PDE6A: variants seen among roughly 807,000 people sequenced by gnomAD.
The protein encoded by PDE6A is rod cGMP-specific 3',5'-cyclic phosphodiesterase subunit alpha.
In PDE6A, 84 loss-of-function variants were observed where a neutral mutation model predicts 106.3. That is an observed-to-expected ratio of 0.79 (90% CI 0.66 to 0.95). The LOEUF (loss-of-function observed/expected upper bound fraction) is 0.95, where lower values mean the gene tolerates loss of function less well. Among genes scored for constraint, PDE6A ranks in the 40% least tolerant of loss-of-function variants. The pLI is 0.00. For synonymous variants in PDE6A, 394 were observed against 386.6 expected (o/e 1.02, Z -0.23); for missense variants, 1,052 against 1,084.9 (o/e 0.97, Z 0.43).
chr5:149,912,062 T>C (rs912864645), intron 6 of PDE6A, among the ~76,000 whole-genome samples: 1 of 152,098 alleles, frequency 6.6e-6, no homozygotes. Flanking sequence ...CACCTTGATA[T>C]GTACATTTTG....
chr5:149,907,842 G>GA (rs568210468), intron 6 of PDE6A, among the ~76,000 whole-genome samples: 9 of 151,918 alleles, frequency 5.9e-5, no homozygotes, highest in African/African-American at 2.2e-4. Flanking sequence ...TTTGTTGTGA[G>GA]AAAAAAACAC....
chr5:149,894,549 C>T (rs1234592218), intron 13 of PDE6A, among the ~76,000 whole-genome samples: 1 of 151,700 alleles, frequency 6.6e-6, no homozygotes, highest in East Asian at 1.9e-4. Flanking sequence ...TTATAACAGG[C>T]CATTTAAAAA....
chr5:149,919,350 T>C (rs1263265564), intron 5 of PDE6A, among the ~76,000 whole-genome samples: 1 of 151,910 alleles, frequency 6.6e-6, no homozygotes, highest in Non-Finnish European at 1.5e-5. Context: ...CTACTAAAAA[T>C]ATAAAAATTA....
chr5:149,943,691 C>T (rs1318443893), intron 1 of PDE6A, among the ~76,000 whole-genome samples: 2 of 152,058 alleles, frequency 1.3e-5, no homozygotes, highest in Non-Finnish European at 2.9e-5. Flanking sequence ...AAGAAATGTC[C>T]TTGTTCTGGA....
intron 7 of PDE6A, 68 bp from the exon 8 acceptor site, chr5:149,903,763 A>G (rs1345974105): frequency 8.7e-7 from 1 of 1,145,744 alleles, no homozygotes; most frequent in Non-Finnish European, 1.3e-6. Context: ...GAAGCACTGT[A>G]TACCATTTTC....
intron 17 of PDE6A, among the ~76,000 whole-genome samples, chr5:149,873,469 T>C (rs1217009544): frequency 6.6e-6 from 1 of 151,990 alleles, no homozygotes; most frequent in East Asian, 1.9e-4. Context: ...GTAGCTGAGA[T>C]TACAGGTGTG....
intron 7 of PDE6A, among the ~76,000 whole-genome samples, chr5:149,906,259 T>A (rs1581189558): frequency 6.6e-6 from 1 of 151,536 alleles, no homozygotes; most frequent in African/African-American, 2.4e-5. Flanking sequence ...AGCATGGTGG[T>A]TCACGCCTAT....
chr5:149,903,159 A>AC (rs958188264), intron 8 of PDE6A, among the ~76,000 whole-genome samples: 1 of 149,116 alleles, frequency 6.7e-6, no homozygotes, highest in African/African-American at 2.5e-5. Flanking sequence ...AAAAAAAAAA[A>AC]AAAAAAAAAC....
intron 20 of PDE6A, among the ~76,000 whole-genome samples, chr5:149,865,386 G>C (rs1345511792): frequency 1.1e-4 from 16 of 150,584 alleles, no homozygotes; most frequent in Admixed American, 1.0e-3. Context: ...CTCCAGCCTG[G>C]GTGACAGAAT....
At chr5:149,919,122 C>T (rs1330590412) in intron 5 of PDE6A, among the ~76,000 whole-genome samples, 1 of 152,152 alleles carries the variant, frequency 6.6e-6, no homozygotes, top group African/African-American at 2.4e-5. Flanking sequence ...GCCTGTGCTG[C>T]TCACTGTACT....
In PDE6A at chr5:149,860,885, C is replaced by T; in HGVS notation, c.*10G>A. The T allele has an allele frequency of 2.5e-6, 4 of 1,611,352 alleles. No individual in the cohort carries two copies. The highest frequency in any genetic ancestry group is 1.7e-4 in the Middle Eastern group (1 of 6,052). On this transcript the variant is annotated 3_prime_UTR_variant, in exon 22 of 22. Transcript: ENST00000255266. ...GGTGGTGCCGTCCAGCCAGCACATCCCCAGTGGTGTTACTGGATGCAGCAG... is the reference window on the plus strand; with the variant it reads ...GGTGGTGCCGTCCAGCCAGCACATCTCCAGTGGTGTTACTGGATGCAGCAG...
intron 5 of PDE6A, among the ~76,000 whole-genome samples, chr5:149,920,056 G>A (rs1355006021): frequency 2.0e-5 from 3 of 152,172 alleles, no homozygotes; most frequent in South Asian, 2.1e-4. Flanking sequence ...GGCCAGGTGC[G>A]GTGGCTCATG....
chr5:149,884,130 T>A (rs1761030987), intron 16 of PDE6A, among the ~76,000 whole-genome samples: 1 of 150,820 alleles, frequency 6.6e-6, no homozygotes, highest in South Asian at 2.1e-4. Context: ...AGCAGTGAGC[T>A]GTGATGGTGC....
chr5:149,895,057 C>G (rs1752685048), intron 13 of PDE6A, 126 bp downstream of exon 13: 1 of 714,232 alleles, frequency 1.4e-6, no homozygotes, highest in Non-Finnish European at 2.6e-6. Context: ...GTACTGCTTT[C>G]ACATAACTCT....
At chr5:149,891,863 A>C (rs1463582179) in intron 13 of PDE6A, among the ~76,000 whole-genome samples, 2 of 152,166 alleles carry the variant, frequency 1.3e-5, no homozygotes, top group Non-Finnish European at 2.9e-5. Flanking sequence ...AAGACAATAA[A>C]AATCTCAGGC....
Position 149,908,304 on chromosome 5 carries a change from T to G in PDE6A, c.999-926A>C, listed in dbSNP as rs1026316300. Among the ~76,000 whole-genome samples the G allele has an allele frequency of 7.2e-5, 11 of 152,234 alleles. No individual in the cohort carries two copies. The East Asian group carries it at 1.9e-3, about 27-fold the overall frequency. ...GCTGCTGTCAACATTGGTGCATATG[T>G]GCTCTCAGTTCTACATGGTATATTC... On this transcript the variant is annotated intron_variant, in intron 6 of 21. Coordinates refer to ENST00000255266, the MANE Select transcript of PDE6A (RefSeq NM_000440.3).
At chr5:149,892,134 C>A (rs1752567398) in intron 13 of PDE6A, among the ~76,000 whole-genome samples, 1 of 151,954 alleles carries the variant, frequency 6.6e-6, no homozygotes, top group South Asian at 2.1e-4. Flanking sequence ...CATAGTGAGA[C>A]CCCCCATCTC....
intron 16 of PDE6A, among the ~76,000 whole-genome samples, chr5:149,883,950 T>C (rs1761025849): frequency 1.3e-5 from 2 of 152,114 alleles, no homozygotes; most frequent in Non-Finnish European, 2.9e-5. Context: ...CCCAATACTT[T>C]GGGAGGCTGA....
At chr5:149,898,679 T>G (rs934856632) in intron 9 of PDE6A, among the ~76,000 whole-genome samples, 173 bp from the exon 10 acceptor site, 3 of 152,202 alleles carry the variant, frequency 2.0e-5, no homozygotes, top group African/African-American at 7.2e-5. Flanking sequence ...AAGGAATGGA[T>G]GTGACCACAC....
Sources: allele counts gnomAD v4.1 joint callset (sites outside exome capture counted in the v4.1 genomes callset), GRCh38; gene constraint gnomAD v4.1.1; transcripts MANE v1.5; gene names NCBI Gene and HGNC (gene_info 2026-07-23, HGNC 2026-07-21).